Variants in ATP7B observed in about 807,000 individuals in gnomAD.
ATP7B encodes copper-transporting ATPase 2.
In ATP7B, 113 loss-of-function variants were observed where a neutral mutation model predicts 118.9. The observed-to-expected ratio is 0.95, with a 90% CI of 0.82 to 1.11. ATP7B has a LOEUF of 1.11. Ranked by LOEUF, ATP7B falls within the 50% of genes most tolerant of loss-of-function variation. The probability of loss-of-function intolerance (pLI) is 0.00; values close to 1 mark genes in which losing one functional copy is unlikely to be tolerated. For synonymous variants in ATP7B, 777 were observed against 727.4 expected (o/e 1.07, Z -1.10); for missense variants, 1,867 against 1,871.4 (o/e 1.00, Z 0.04).
At position 51,944,294 on chromosome 13, in the gene ATP7B, G is replaced by C; in HGVS notation, c.3061-3C>G. ...TTGTCAAACATCACAGTCTTTATCT[G>C]CCAAAAACAACCACAACTCACTGAC... On this transcript the variant is annotated splice_region_variant and splice_polypyrimidine_tract_variant and intron_variant, in intron 13 of 20. Transcript: ENST00000242839. 6.2e-7 allele frequency: 1 copy of C among 1,613,760 alleles called. No homozygotes were observed. The highest frequency in any genetic ancestry group is 1.3e-5 in the African/African-American group (1 of 75,034).
At chr13:51,957,451 A>G (rs1164221916) in intron 9 of ATP7B, 65 bp downstream of exon 9, 8 of 1,497,602 alleles carry the variant, frequency 5.3e-6, no homozygotes, top group Non-Finnish European at 7.4e-6. Context: ...CAACATGGGC[A>G]TCTGATGCAG....
At chr13:51,991,490 T>C (rs1952910144) in intron 1 of ATP7B, among the ~76,000 whole-genome samples, 1 of 151,774 alleles carries the variant, frequency 6.6e-6, no homozygotes, top group South Asian at 2.1e-4. Context: ...GGTGAGACCC[T>C]GTCGGGAAAA....
chr13:52,004,995 G>A (rs1171480975), intron 1 of ATP7B, among the ~76,000 whole-genome samples: 1 of 152,178 alleles, frequency 6.6e-6, no homozygotes, highest in Non-Finnish European at 1.5e-5. Flanking sequence ...AGCCGCACCT[G>A]GGGTGGCCAA....
intron 6 of ATP7B, among the ~76,000 whole-genome samples, chr13:51,960,710 GA>G (rs574118389): frequency 6.6e-6 from 1 of 151,666 alleles, no homozygotes; most frequent in Non-Finnish European, 1.5e-5. Context: ...GACCCCCAAA[GA>G]AAAAAATAGA....
chr13:51,957,682 C>T (rs1390899826), intron 8 of ATP7B, 75 bp from the exon 9 acceptor site: 45 of 1,443,894 alleles, frequency 3.1e-5, no homozygotes, highest in South Asian at 3.1e-4. Flanking sequence ...GAGTCACAAG[C>T]GTGGTGTTAG....
intron 13 of ATP7B, among the ~76,000 whole-genome samples, chr13:51,945,126 C>T (rs750768294): frequency 1.3e-5 from 2 of 152,178 alleles, no homozygotes; most frequent in Non-Finnish European, 2.9e-5. Flanking sequence ...GGGATTCTTG[C>T]CAGCTTTCAG....
In ATP7B at chr13:51,970,616, G is replaced by A. The variant is rs1951791845; in HGVS notation, c.1419C>T (p.Asp473=). 1.2e-6 allele frequency: 2 copies of A among 1,614,192 alleles called. No homozygotes were observed. Among genetic ancestry groups the A allele is most frequent in the Non-Finnish European group, 1.7e-6 (2 of 1,180,036 alleles). The change falls in exon 3 of 21, where the codon GAC becomes GAT. Residue 473 remains aspartate, a synonymous_variant. Coordinates refer to ENST00000242839, the MANE Select transcript of ATP7B (RefSeq NM_000053.4). ...TGRLPANHAP[D]ILAKSPQSTR... ...TTGATTGTGGGGACTTTGCCAAGAT[G>A]TCCGGGGCATGGTTTGCAGGGAGCC...
intron 3 of ATP7B, among the ~76,000 whole-genome samples, chr13:51,970,266 T>G (rs931063951): frequency 6.6e-6 from 1 of 152,230 alleles, no homozygotes; most frequent in Non-Finnish European, 1.5e-5. Context: ...AAACTGGATT[T>G]TCAATGGCTA....
Position 51,975,089 on chromosome 13 carries a change from TA to T in ATP7B, c.130del (p.Tyr44MetfsTer24). On this transcript the variant is annotated frameshift_variant, in exon 2 of 21. Coordinates refer to ENST00000242839, the MANE Select transcript of ATP7B (RefSeq NM_000053.4). LOFTEE classifies it high-confidence loss of function. ...GCCCAGGCCATCCAGACCACCTTCA[TA>T]GCCAACATTGTCAAAAGCAAAACTC... ...KKSFAFDNVGYEGGLDGLGPS... is the reference protein window; with the variant it reads ...KKSFAFDNVGXEGGLDGLGPS... 6.2e-7 allele frequency: 1 copy of T among 1,614,252 alleles called. No homozygotes were observed. The highest frequency in any genetic ancestry group is 8.5e-7 in the Non-Finnish European group (1 of 1,180,042).
intron 1 of ATP7B, among the ~76,000 whole-genome samples, chr13:51,991,316 G>C (rs1593843050): frequency 6.6e-6 from 1 of 152,020 alleles, no homozygotes; most frequent in East Asian, 1.9e-4. Context: ...GTCAGATACA[G>C]GATACGATGA....
rs76063926 is a variant in ATP7B at position 51,989,654 on chromosome 13, A to G, written c.52-14486T>C. Reference sequence around the variant, plus strand: ...TTTAGAAATTCACAAACTATAAGACAGGGTATCGTCTCCAAGGAGCACTTC... The same window carrying G: ...TTTAGAAATTCACAAACTATAAGACGGGGTATCGTCTCCAAGGAGCACTTC... On this transcript the variant is annotated intron_variant, in intron 1 of 20. Transcript: ENST00000242839. 6.7e-4 allele frequency among the ~76,000 whole-genome samples: 102 copies of G among 152,376 alleles called. No individual in the cohort carries two copies. In the East Asian group the frequency reaches 0.018, roughly 27 times the overall value.
intron 7 of ATP7B, 174 bp downstream of exon 7, chr13:51,959,974 C>A (rs1388663964): frequency 2.2e-6 from 2 of 907,030 alleles, no homozygotes; most frequent in Non-Finnish European, 3.4e-6. Context: ...CCAAGCCCCA[C>A]CTACTGGTCA....
chr13:51,991,571 A>G (rs976086955), intron 1 of ATP7B, among the ~76,000 whole-genome samples: 1 of 152,222 alleles, frequency 6.6e-6, no homozygotes, highest in Non-Finnish European at 1.5e-5. Flanking sequence ...AGGAGGCTTA[A>G]GCAGTTGTTT....
At chr13:51,991,152 G>T (rs1367710224) in intron 1 of ATP7B, among the ~76,000 whole-genome samples, 2 of 151,650 alleles carry the variant, frequency 1.3e-5, no homozygotes, top group African/African-American at 4.8e-5. Context: ...CCATATTCTG[G>T]TCTCTAAAAA....
At chr13:51,941,029 G>T in intron 16 of ATP7B, 52 bp downstream of exon 16, 1 of 1,611,092 alleles carries the variant, frequency 6.2e-7, no homozygotes, top group African/African-American at 1.3e-5. Context: ...CCTGATATCT[G>T]CAGAAAACTG....
In ATP7B at chr13:51,958,461, CA is replaced by C; in HGVS notation, c.2204del (p.Leu735ArgfsTer27). 2 of 1,614,188 alleles carry C rather than the reference CA, an allele frequency of 1.2e-6. No individual in the cohort carries two copies. The highest frequency in any genetic ancestry group is 1.7e-6 in the Non-Finnish European group (2 of 1,180,050). Reference protein sequence around the residue: ...RSANMDVLIVLATSIAYVYSL... With the variant: ...RSANMDVLIVXATSIAYVYSL... ...AATAAACATAAGCAATGCTTGTGGC[CA>C]GGACGATGAGCACGTCCATGTTGGC... On this transcript the variant is annotated frameshift_variant, in exon 8 of 21. Transcript: ENST00000242839. LOFTEE classifies it high-confidence loss of function.
chr13:51,942,697 G>C, intron 14 of ATP7B, 143 bp from the exon 15 acceptor site: 1 of 960,190 alleles, frequency 1.0e-6, no homozygotes, highest in East Asian at 2.6e-5. Context: ...AGGGGAGGGA[G>C]GTGGAACAGA....
chr13:51,991,734 C>A (rs1237216616), intron 1 of ATP7B, among the ~76,000 whole-genome samples: 1 of 152,168 alleles, frequency 6.6e-6, no homozygotes, highest in African/African-American at 2.4e-5. Context: ...CTCCAGCTCA[C>A]CATTCTGGGC....
intron 5 of ATP7B, among the ~76,000 whole-genome samples, chr13:51,962,715 A>C (rs1020130847): frequency 3.9e-5 from 6 of 152,212 alleles, no homozygotes; most frequent in Non-Finnish European, 7.4e-5. Context: ...AGACATTAGC[A>C]ATAGTCCCCA....
Sources: allele counts gnomAD v4.1 joint callset (sites outside exome capture counted in the v4.1 genomes callset), GRCh38; gene constraint gnomAD v4.1.1; transcripts MANE v1.5; gene names NCBI Gene and HGNC (gene_info 2026-07-23, HGNC 2026-07-21).